Variants in SPART observed in about 807,000 individuals in gnomAD.
SPART encodes the protein spastic paraplegia 20 (Troyer syndrome).
SPART carries 35 observed loss-of-function variants against 58.7 expected under a neutral mutation model. That is an observed-to-expected ratio of 0.60 (90% CI 0.46 to 0.79). SPART has a LOEUF of 0.79. SPART is among the 30% of genes least tolerant of loss of function. The pLI, the probability that SPART is intolerant of heterozygous loss-of-function variation, is 0.00. For missense variants in SPART, 730 were observed against 786.1 expected, an observed-to-expected ratio of 0.93 and a Z score of 0.85; for synonymous variants, 284 against 280.7, an observed-to-expected ratio of 1.01 and a Z score of -0.12.
chr13:36,304,094 T>G lies in SPART; in HGVS notation c.*271A>C, dbSNP rs1049971842. On this transcript the variant is annotated 3_prime_UTR_variant, in exon 9 of 9. Coordinates refer to ENST00000438666, the MANE Select transcript of SPART (RefSeq NM_015087.5). ...CAAGGTTTGAACAACACATGTACTATCAGCTTTATTTTACCTGCAAAAATA... is the reference window on the plus strand; with the variant it reads ...CAAGGTTTGAACAACACATGTACTAGCAGCTTTATTTTACCTGCAAAAATA... 5 of 503,034 alleles carry G rather than the reference T, an allele frequency of 9.9e-6. No homozygotes were observed. The Admixed American group carries it at 1.7e-4, about 17-fold the overall frequency. The allele number at this position is 503,034 out of a possible 1,614,324, so 31.2% of individuals were successfully genotyped here.
rs564614485 is a variant in SPART, at chr13:36,302,161, G to A, written c.*2204C>T. 11 of 152,228 alleles carry A rather than the reference G, an allele frequency of 7.2e-5. No homozygotes were observed. In the South Asian group the frequency reaches 2.3e-3, roughly 32 times the overall value. The allele number at this position is 152,228 out of a possible 1,614,324, so 9.4% of individuals were successfully genotyped here. On this transcript the variant is annotated 3_prime_UTR_variant, in exon 9 of 9. Transcript: ENST00000438666. ...AGAACATACATATAGGTAATTGGCAGCTTTCCATGTCTTTAGGTGTGATGA... is the reference window on the plus strand; with the variant it reads ...AGAACATACATATAGGTAATTGGCAACTTTCCATGTCTTTAGGTGTGATGA...
Position 36,304,489 on chromosome 13 carries a change from T to C in SPART, c.1877A>G (p.Glu626Gly), listed in dbSNP as rs1373168329. ...AGAATTATCAACTATCTGATAGTCC[T>C]CAAGGAGAGTGTGTCCTGTTTGTGT... ...TATQTGHTLL[E>G]DYQIVDNSQR... Residue 626 changes from glutamate (E) to glycine (G), a missense_variant, in exon 9 of 9, where the codon GAG becomes GGG. By Grantham distance (98) the Glu-to-Gly change is moderately conservative. Coordinates refer to ENST00000438666, the MANE Select transcript of SPART (RefSeq NM_015087.5). The C allele has an allele frequency of 6.2e-7, 1 of 1,614,166 alleles. No homozygotes were observed. Among genetic ancestry groups the C allele is most frequent in the South Asian group, 1.1e-5 (1 of 91,082 alleles).
chr13:36,326,505 A>C, intron 5 of SPART, 70 bp downstream of exon 5: 1 of 1,580,376 alleles, frequency 6.3e-7, no homozygotes, highest in Non-Finnish European at 8.7e-7. Flanking sequence ...ATTCCCTAAT[A>C]AACAATATCT....
At chr13:36,328,730 T>C (rs746151499) in intron 4 of SPART, among the ~76,000 whole-genome samples, 2 of 152,068 alleles carry the variant, frequency 1.3e-5, no homozygotes, top group South Asian at 2.1e-4. Flanking sequence ...TCAGAGCCTA[T>C]GAAATGAAAG....
chr13:36,317,220 C>T (rs1422732202), intron 5 of SPART, among the ~76,000 whole-genome samples: 8 of 152,148 alleles, frequency 5.3e-5, no homozygotes, highest in East Asian at 3.9e-4. Context: ...TCACCCTTAG[C>T]GGCAAGTCCC....
At chr13:36,321,278 C>G (rs1030402008) in intron 5 of SPART, among the ~76,000 whole-genome samples, 3 of 152,188 alleles carry the variant, frequency 2.0e-5, no homozygotes, top group Non-Finnish European at 2.9e-5. Context: ...TTTTTCCAAG[C>G]CATCACAGCT....
Position 36,302,385 on chromosome 13 carries a change from CT to C in SPART, c.*1979del, listed in dbSNP as rs2137236584. 2 of 152,272 alleles carry C rather than the reference CT, an allele frequency of 1.3e-5. No individual in the cohort carries two copies. The highest frequency in any genetic ancestry group is 4.8e-5 in the African/African-American group (2 of 41,556). The allele number at this position is 152,272 out of a possible 1,614,324, so 9.4% of individuals were successfully genotyped here. On this transcript the variant is annotated 3_prime_UTR_variant, in exon 9 of 9. Transcript: ENST00000438666. ...AGGGCCAGAGAGTGAATAAGTTAGG[CT>C]TGTGGACCATATACTCTCTGATGCA...
Position 36,331,531 on chromosome 13 carries a change from G to C in SPART, c.876C>G (p.Ala292=). 2 of 1,613,930 alleles carry C rather than the reference G, an allele frequency of 1.2e-6. No individual in the cohort carries two copies. Among genetic ancestry groups the C allele is most frequent in the Non-Finnish European group, 1.7e-6 (2 of 1,179,982 alleles). Residue 292 remains alanine (A), a synonymous_variant, in exon 3 of 9, where the codon GCC becomes GCG. Transcript: ENST00000438666. The part of the protein sequence containing the change: ...RSPVLKCTAG[A]YMFPDTMLQA... ...GTAGCATTGTATCAGGAAACATGTA[G>C]GCTCCCGCAGTACATTTCAGAACCG...
chr13:36,335,702 C>A lies in SPART; in HGVS notation c.129G>T (p.Lys43Asn). The change falls in exon 2 of 9, where the codon AAG becomes AAT. Residue 43 changes from lysine to asparagine, a missense_variant. By Grantham distance (94) the Lys-to-Asn change is moderately conservative. Transcript: ENST00000438666. Reference sequence around the variant, plus strand: ...GTCCTATTCCTTGCTTATAGTAGTTCTTTGCTTCTTCCTTCTGACCTAATT... The same window carrying A: ...GTCCTATTCCTTGCTTATAGTAGTTATTTGCTTCTTCCTTCTGACCTAATT... ...TDELGQKEEAKNYYKQGIGHL... is the reference protein window; with the variant it reads ...TDELGQKEEANNYYKQGIGHL... The A allele has an allele frequency of 6.2e-7, 1 of 1,614,088 alleles. No individual in the cohort carries two copies. Among genetic ancestry groups the A allele is most frequent in the Non-Finnish European group, 8.5e-7 (1 of 1,180,002 alleles).
intron 1 of SPART, among the ~76,000 whole-genome samples, chr13:36,356,754 C>T (rs1408784033): frequency 2.6e-5 from 4 of 152,194 alleles, no homozygotes; most frequent in African/African-American, 7.2e-5. Flanking sequence ...TCACAGACCA[C>T]GATCACTCAT....
intron 5 of SPART, chr13:36,326,368 GAAT>G: frequency 1.7e-6 from 1 of 589,552 alleles, no homozygotes; most frequent in Non-Finnish European, 2.9e-6. Context: ...TAGTAGAACA[GAAT>G]AATAGGCCAG....
chr13:36,306,384 A>C (rs541987768), intron 8 of SPART, among the ~76,000 whole-genome samples: 2 of 152,224 alleles, frequency 1.3e-5, no homozygotes, highest in Non-Finnish European at 2.9e-5. Context: ...TCAGCACTGA[A>C]AAACAGTGAC....
Position 36,340,362 on chromosome 13 carries a change from C to T in SPART, c.-2-4530G>A, listed in dbSNP as rs200326520. Among the ~76,000 whole-genome samples, 5 of 150,702 alleles carry T rather than the reference C, an allele frequency of 3.3e-5. No individual in the cohort carries two copies. The South Asian group carries it at 1.1e-3, about 32-fold the overall frequency. On this transcript the variant is annotated intron_variant, in intron 1 of 8. Coordinates refer to ENST00000438666, the MANE Select transcript of SPART (RefSeq NM_015087.5). ...TGGGCGACAGAGCAAGACTCTGTTTCAAAAAAATAAAAATAAATAAATAAA... is the reference window on the plus strand; with the variant it reads ...TGGGCGACAGAGCAAGACTCTGTTTTAAAAAAATAAAAATAAATAAATAAA...
intron 1 of SPART, among the ~76,000 whole-genome samples, chr13:36,361,861 A>G (rs952158014): frequency 4.6e-5 from 7 of 152,258 alleles, no homozygotes; most frequent in Non-Finnish European, 1.5e-5. Context: ...GATATTTACA[A>G]TTGATATTTT....
intron 8 of SPART, among the ~76,000 whole-genome samples, chr13:36,311,115 A>G (rs907765278): frequency 1.3e-5 from 2 of 152,174 alleles, no homozygotes; most frequent in Admixed American, 1.3e-4. Flanking sequence ...AAGAGCCACA[A>G]GGGCATCTGC....
At chr13:36,311,455 C>T (rs1356698614) in intron 8 of SPART, among the ~76,000 whole-genome samples, 2 of 152,140 alleles carry the variant, frequency 1.3e-5, no homozygotes, top group Non-Finnish European at 2.9e-5. Flanking sequence ...TAATTTTTAA[C>T]AGTCTGTATA....
intron 5 of SPART, 112 bp from the exon 6 acceptor site, chr13:36,314,533 C>A: frequency 6.8e-6 from 7 of 1,027,806 alleles, no homozygotes; most frequent in Non-Finnish European, 1.0e-5. Context: ...TATTCAGATG[C>A]TAAATGTGCC....
At chr13:36,343,901 C>T (rs1002063128) in intron 1 of SPART, among the ~76,000 whole-genome samples, 2 of 152,046 alleles carry the variant, frequency 1.3e-5, no homozygotes, top group African/African-American at 2.4e-5. Flanking sequence ...AATGAGCTCT[C>T]GCCTGTAATC....
At chr13:36,351,804 T>G (rs1458764968) in intron 1 of SPART, among the ~76,000 whole-genome samples, 3 of 152,234 alleles carry the variant, frequency 2.0e-5, no homozygotes, top group Non-Finnish European at 4.4e-5. Context: ...GGTTGTCATT[T>G]CTTTTATTCA....
Sources: gnomAD v4.1 joint callset for allele counts (sites outside exome capture counted in the v4.1 genomes callset) on GRCh38, gnomAD v4.1.1 for gene constraint, MANE v1.5 for transcripts, NCBI Gene and HGNC (gene_info 2026-07-23, HGNC 2026-07-21) for gene names.